Variants in KDM4B observed in about 807,000 individuals in gnomAD.
The protein encoded by KDM4B is lysine-specific demethylase 4B.
A neutral mutation model predicts 125.2 loss-of-function variants in KDM4B; 32 were observed. The ratio of observed to expected loss-of-function variants is 0.26; its 90% CI spans 0.19 to 0.34. The LOEUF (loss-of-function observed/expected upper bound fraction) is 0.34, where lower values mean the gene tolerates loss of function less well. KDM4B is among the 10% of genes least tolerant of loss of function. The pLI is 1.00. For missense variants in KDM4B, 1,190 were observed against 1,577.7 expected, an observed-to-expected ratio of 0.75 and a Z score of 4.16; for synonymous variants, 721 against 677.9, an observed-to-expected ratio of 1.06 and a Z score of -0.99.
chr19:5,029,697 C>T (rs1276130824), intron 2 of KDM4B, among the ~76,000 whole-genome samples: 1 of 152,158 alleles, frequency 6.6e-6, no homozygotes, highest in Non-Finnish European at 1.5e-5. Context: ...TGTGGTGGCA[C>T]ACACCTGTGG....
chr19:5,100,371 C>T (rs1260551302), intron 9 of KDM4B, among the ~76,000 whole-genome samples: 1 of 152,222 alleles, frequency 6.6e-6, no homozygotes. Flanking sequence ...ACTTTATCTT[C>T]CCCACCTCCG....
At chr19:5,034,487 G>T (rs1238747174) in intron 3 of KDM4B, among the ~76,000 whole-genome samples, 2 of 152,202 alleles carry the variant, frequency 1.3e-5, no homozygotes, top group Non-Finnish European at 2.9e-5. Flanking sequence ...AACGCGTATT[G>T]TTTTCACGTC....
chr19:5,128,978 T>A (rs1216233769), intron 11 of KDM4B, among the ~76,000 whole-genome samples: 1 of 149,544 alleles, frequency 6.7e-6, no homozygotes, highest in East Asian at 2.0e-4. Context: ...GGGGTGGAGG[T>A]CAGGGAGGAG....
In KDM4B at chr19:5,039,394, G is replaced by T. The variant is rs544855907; in HGVS notation, c.142-442G>T. Among the ~76,000 whole-genome samples, 10 of 152,324 alleles carry T rather than the reference G, an allele frequency of 6.6e-5. No homozygotes were observed. The South Asian group carries it at 1.0e-3, about 16-fold the overall frequency. ...CACGTGAGTCCAGGAGTTGGAGGCT[G>T]CAGTGAGCTATGATTGTGCCACTGC... is the stretch of plus-strand genomic sequence containing the variant. On this transcript the variant is annotated intron_variant, in intron 3 of 22. Transcript: ENST00000159111.
At position 5,144,878 on chromosome 19, in the gene KDM4B, C is replaced by T. The variant is rs781451980; in HGVS notation, c.2997C>T (p.Ser999=). 41 of 1,612,934 alleles carry T rather than the reference C, an allele frequency of 2.5e-5. No individual in the cohort carries two copies. The highest frequency in any genetic ancestry group is 2.4e-5 in the Non-Finnish European group (28 of 1,179,732). The change falls in exon 21 of 23, where the codon TCC becomes TCT. Residue 999 remains serine (S), a synonymous_variant. Coordinates refer to ENST00000159111, the MANE Select transcript of KDM4B (RefSeq NM_015015.3). ...ACCTCTACAAGGCCAAGTTCATCTC[C>T]TCCGTCACCAGCCACATCTACCAGG... is the stretch of plus-strand genomic sequence containing the variant. ...DGNLYKAKFI[S]SVTSHIYQVE...
rs2306397 is a variant in KDM4B at position 5,144,619 on chromosome 19, C to T, written c.2902-164C>T. 7.4e-4 allele frequency among the ~76,000 whole-genome samples: 112 copies of T among 152,340 alleles called. No individual in the cohort carries two copies. In the East Asian group the frequency reaches 0.019, roughly 26 times the overall value. On this transcript the variant is annotated intron_variant, in intron 20 of 22. Coordinates refer to ENST00000159111, the MANE Select transcript of KDM4B (RefSeq NM_015015.3). ...GCTCACTGTTCAGCAGAAAGCGACC[C>T]GCAGCCAGGGCTCTGCACCGCCCCG...
rs2036592828 is a variant in KDM4B, at chr19:5,035,620, C to T, written c.141+2589C>T. ...GCCCTCATGTCGCTGCTTCAGGTTT[C>T]TGCACTCCCCCCAGGCCAGTTCCCC... is the stretch of plus-strand genomic sequence containing the variant. On this transcript the variant is annotated intron_variant, in intron 3 of 22. Transcript: ENST00000159111. The surrounding 1 kb of genome is among the most constrained non-coding windows in gnomAD (Gnocchi z 5.3). Among the ~76,000 whole-genome samples, 1 of 152,140 alleles carries T rather than the reference C, an allele frequency of 6.6e-6. No individual in the cohort carries two copies. The highest frequency in any genetic ancestry group is 1.5e-5 in the Non-Finnish European group (1 of 68,024).
chr19:5,044,069 CCG>C (rs2036941291), intron 5 of KDM4B, among the ~76,000 whole-genome samples: 1 of 71,800 alleles, frequency 1.4e-5, no homozygotes, highest in Non-Finnish European at 3.1e-5. Context: ...CCACCTTATC[CCG>C]CGTGGTGTTT....
chr19:5,119,563 C>T (rs1214451106), intron 10 of KDM4B, 90 bp from the exon 11 acceptor site: 12 of 1,274,548 alleles, frequency 9.4e-6, no homozygotes, highest in African/African-American at 4.4e-5. Flanking sequence ...TGGGGGTGGG[C>T]GGGGGCTGCG....
chr19:5,082,576 C>T lies in KDM4B; in HGVS notation c.918+72C>T, dbSNP rs781295354. 33 of 1,480,448 alleles carry T rather than the reference C, an allele frequency of 2.2e-5. No individual in the cohort carries two copies. Among genetic ancestry groups the T allele is most frequent in the East Asian group, 1.8e-4 (8 of 43,332 alleles). 91.7% of individuals were successfully genotyped at this position (1,480,448 alleles called of 1,614,324 possible). A position where few individuals can be genotyped will look rare whatever the true frequency, so the allele number is the denominator to read the frequency against. On this transcript the variant is annotated intron_variant, in intron 9 of 22. Coordinates refer to ENST00000159111, the MANE Select transcript of KDM4B (RefSeq NM_015015.3). This position sits in a 1 kb window ranked among gnomAD's most constrained non-coding sequence, Gnocchi z 5.4. ...GCTCTTTTTTGCCTCTGCAGCCACA[C>T]GCCCATAGCTGGTCCAGCAGCCGTT...
intron 6 of KDM4B, among the ~76,000 whole-genome samples, chr19:5,049,405 G>A (rs1276789181): frequency 6.6e-6 from 1 of 152,080 alleles, no homozygotes; most frequent in Non-Finnish European, 1.5e-5. Flanking sequence ...GGGCGGGGCA[G>A]CGTTGAGTAG....
rs1488659257 is a variant in KDM4B, at chr19:5,152,214, G to T, written c.*703G>T. Reference sequence around the variant, plus strand: ...CTTTGATGGTCTGGTGCCAGTGCCTGTGCCCACTCTGTGCCTGCTGGGAGG... The same window carrying T: ...CTTTGATGGTCTGGTGCCAGTGCCTTTGCCCACTCTGTGCCTGCTGGGAGG... On this transcript the variant is annotated 3_prime_UTR_variant, in exon 23 of 23. Coordinates refer to ENST00000159111, the MANE Select transcript of KDM4B (RefSeq NM_015015.3). 6.6e-6 allele frequency: 1 copy of T among 152,262 alleles called. No homozygotes were observed. The highest frequency in any genetic ancestry group is 2.4e-5 in the African/African-American group (1 of 41,456). The allele number at this position is 152,262 out of a possible 1,614,324, so 9.4% of individuals were successfully genotyped here. A position where few individuals can be genotyped will look rare whatever the true frequency, so the allele number is the denominator to read the frequency against.
rs2039227356 is a variant in KDM4B, at chr19:5,114,991, T to C, written c.1115+4173T>C. Among the ~76,000 whole-genome samples, 1 of 152,210 alleles carries C rather than the reference T, an allele frequency of 6.6e-6. No homozygotes were observed. Among genetic ancestry groups the C allele is most frequent in the Non-Finnish European group, 1.5e-5 (1 of 68,036 alleles). On this transcript the variant is annotated intron_variant, in intron 10 of 22. Coordinates refer to ENST00000159111, the MANE Select transcript of KDM4B (RefSeq NM_015015.3). The surrounding 1 kb of genome is among the most constrained non-coding windows in gnomAD (Gnocchi z 5.8). ...TAAGTGCTTATTTATCTCCACTCTC[T>C]CCTGAAACGCCACTGAAACACCAGA...
intron 1 of KDM4B, among the ~76,000 whole-genome samples, chr19:4,984,038 C>T (rs1280386064): frequency 2.0e-5 from 3 of 152,208 alleles, no homozygotes; most frequent in Admixed American, 6.5e-5. Flanking sequence ...GGACACCTGG[C>T]CACAGCTGGG....
rs2039762220 is a variant in KDM4B at position 5,142,458 on chromosome 19, C to T, written c.2551-1509C>T. On this transcript the variant is annotated intron_variant, in intron 18 of 22. Transcript: ENST00000159111. This position sits in a 1 kb window ranked among gnomAD's most constrained non-coding sequence, Gnocchi z 5.4. ...AAATGGTCCCATGGGTCCGGGGGCA[C>T]GCTTTTCACAACGTGGAGATGCAGG... Among the ~76,000 whole-genome samples, 1 of 152,158 alleles carries T rather than the reference C, an allele frequency of 6.6e-6. No individual in the cohort carries two copies. The highest frequency in any genetic ancestry group is 2.4e-5 in the African/African-American group (1 of 41,446).
chr19:5,119,929 T>TTCTG, intron 11 of KDM4B, 77 bp downstream of exon 11: 1 of 1,470,886 alleles, frequency 6.8e-7, no homozygotes, highest in South Asian at 1.3e-5. Flanking sequence ...AACCAGTGCC[T>TTCTG]GCTACAGCCA....
intron 1 of KDM4B, among the ~76,000 whole-genome samples, chr19:4,999,739 GTCCATCTA>G (rs2035310515): frequency 5.9e-5 from 2 of 34,128 alleles, no homozygotes; most frequent in South Asian, 9.6e-4. Flanking sequence ...CCACCCACCT[GTCCATCTA>G]TCCATCTATC....
chr19:5,030,804 C>T (rs1350078877), intron 2 of KDM4B, among the ~76,000 whole-genome samples: 3 of 152,252 alleles, frequency 2.0e-5, no homozygotes, highest in East Asian at 1.9e-4. Context: ...CAGAGCAGGG[C>T]CAGGGACCCG....
chr19:5,108,792 A>T (rs2039083843), intron 9 of KDM4B, among the ~76,000 whole-genome samples: 1 of 152,228 alleles, frequency 6.6e-6, no homozygotes, highest in East Asian at 1.9e-4. Context: ...TGGGCTTCTG[A>T]GGCTGAGATA....
Sources: gnomAD v4.1 joint callset for allele counts (sites outside exome capture counted in the v4.1 genomes callset) on GRCh38, gnomAD v4.1.1 for gene constraint, Gnocchi (gnomAD v3.1) non-coding constraint, MANE v1.5 for transcripts, NCBI Gene and HGNC (gene_info 2026-07-23, HGNC 2026-07-21) for gene names.